MESD: variants seen among roughly 807,000 people sequenced by gnomAD.
The protein encoded by MESD is LRP chaperone MESD.
In MESD, 7 loss-of-function variants were observed where a neutral mutation model predicts 12.9. That is an observed-to-expected ratio of 0.54 (90% CI 0.31 to 1.02). The LOEUF is 1.02. MESD is among the 50% of genes least tolerant of loss of function. The probability of loss-of-function intolerance (pLI) is 0.05; values close to 1 mark genes in which losing one functional copy is unlikely to be tolerated. For missense variants in MESD, 342 were observed against 296.7 expected (o/e 1.15, Z -1.12); for synonymous variants, 126 against 115.6 (o/e 1.09, Z -0.58).
downstream of MESD, chr15:80,946,505 G>A (rs1482920968): frequency 1.7e-5 from 3 of 178,400 alleles, no homozygotes; most frequent in Non-Finnish European, 3.6e-5. Context: ...GCTCCCCTCC[G>A]CCTTCCCGCA....
chr15:80,983,882 A>T (rs1174538999), intron 1 of MESD, among the ~76,000 whole-genome samples: 1 of 150,608 alleles, frequency 6.6e-6, no homozygotes, highest in Non-Finnish European at 1.5e-5. Flanking sequence ...AATTACTAAT[A>T]GAAAACAGTA....
chr15:80,988,885 C>T (rs1279883984), intron 1 of MESD, among the ~76,000 whole-genome samples: 1 of 130,022 alleles, frequency 7.7e-6, no homozygotes, highest in Admixed American at 7.2e-5. Context: ...GTAATCTTTA[C>T]CTTAAAGCGT....
At position 80,952,029 on chromosome 15, in the gene MESD, T is replaced by C. The variant is rs572677568; in HGVS notation, c.*556A>G. 6.4e-4 allele frequency: 230 copies of C among 358,532 alleles called. 4 individuals are homozygous for C. The highest frequency in any genetic ancestry group is 4.7e-3 in the South Asian group (228 of 48,268). The allele number at this position is 358,532 out of a possible 1,614,324, so 22.2% of individuals were successfully genotyped here. A position where few individuals can be genotyped will look rare whatever the true frequency, so the allele number is the denominator to read the frequency against. On this transcript the variant is annotated 3_prime_UTR_variant, in exon 4 of 5. Coordinates refer to the MESD transcript ENST00000561312. ...GGTTCAAAGAAAGAGAAGATATCAT[T>C]CATATGGCTGGCCATGTCCAGAACT...
rs1327002258 is a variant in MESD at position 80,989,579 on chromosome 15, C to T, written c.213G>A (p.Glu71=). Residue 71 remains glutamate (E), a splice_region_variant and synonymous_variant, in exon 1 of 3, where the codon GAG becomes GAA. Coordinates refer to ENST00000261758, the MANE Select transcript of MESD (RefSeq NM_015154.3). The part of the protein sequence containing the change: ...ADMARLLEQW[E]KDDDIEEGDL... ...GGGAGGGTGTGCGCGCGCCGCGGAC[C>T]TCCCATTGCTCCAGAAGACGCGCCA... 2 of 1,612,618 alleles carry T rather than the reference C, an allele frequency of 1.2e-6. No individual in the cohort carries two copies. The highest frequency in any genetic ancestry group is 1.7e-6 in the Non-Finnish European group (2 of 1,179,138).
In MESD at chr15:80,989,719, G is replaced by T; in HGVS notation, c.73C>A (p.Leu25Met). The part of the protein sequence containing the change: ...CASDLLLLLL[L>M]LPPPGSCAAE... ...GCGCAGGACCCAGGCGGTGGTAGCA[G>T]TAGCAGCAGCAGCAGCAGGTCAGAG... The change falls in exon 1 of 3, where the codon CTG becomes ATG. Residue 25 changes from leucine (L) to methionine (M), a missense_variant. Physicochemically the swap from Leu to Met is conservative, Grantham distance 15 (BLOSUM62 2). Coordinates refer to ENST00000261758, the MANE Select transcript of MESD (RefSeq NM_015154.3). The T allele has an allele frequency of 6.2e-7, 1 of 1,609,034 alleles. No homozygotes were observed.
At chr15:80,954,617 G>C (rs957427886) in intron 3 of MESD, among the ~76,000 whole-genome samples, 2 of 152,106 alleles carry the variant, frequency 1.3e-5, no homozygotes, top group African/African-American at 4.8e-5. Flanking sequence ...GAGGGTTGGG[G>C]GAGGGGATGG....
rs1390973569 is a variant in MESD, at chr15:80,952,048, C to T, written c.*537G>A. Reference sequence around the variant, plus strand: ...TATCATTCATATGGCTGGCCATGTCCAGAACTTGCTGCGTCCTCCACATTT... The same window carrying T: ...TATCATTCATATGGCTGGCCATGTCTAGAACTTGCTGCGTCCTCCACATTT... On this transcript the variant is annotated 3_prime_UTR_variant, in exon 4 of 5. Transcript: ENST00000561312. The T allele has an allele frequency of 1.7e-4, 65 of 380,266 alleles. No homozygotes were observed. In the Admixed American group the frequency reaches 1.9e-3, roughly 11 times the overall value. The allele number at this position is 380,266 out of a possible 1,614,324, so 23.6% of individuals were successfully genotyped here. A position where few individuals can be genotyped will look rare whatever the true frequency, so the allele number is the denominator to read the frequency against.
intron 3 of MESD, among the ~76,000 whole-genome samples, chr15:80,962,116 C>T (rs72629904): frequency 6.6e-6 from 1 of 152,138 alleles, no homozygotes; most frequent in African/African-American, 2.4e-5. Context: ...CAGAGATGCA[C>T]ATAAGCTCAA....
chr15:80,953,712 G>A (rs1399703283), intron 3 of MESD, among the ~76,000 whole-genome samples: 1 of 152,328 alleles, frequency 6.6e-6, no homozygotes, highest in South Asian at 2.1e-4. Flanking sequence ...ATGTGTAGGA[G>A]TTGCTGGAGG....
intron 3 of MESD, among the ~76,000 whole-genome samples, chr15:80,965,330 C>A (rs1902155849): frequency 6.6e-6 from 1 of 152,122 alleles, no homozygotes; most frequent in Non-Finnish European, 1.5e-5. Flanking sequence ...TGTGGAGAAA[C>A]AGGAACACTT....
chr15:80,981,812 G>A (rs1237991834), intron 2 of MESD, 138 bp downstream of exon 2: 17 of 655,078 alleles, frequency 2.6e-5, no homozygotes, highest in South Asian at 6.2e-5. Flanking sequence ...CCGAGATCAC[G>A]CCGCTGCACT....
At chr15:80,983,625 G>A (rs937926958) in intron 1 of MESD, among the ~76,000 whole-genome samples, 1 of 152,138 alleles carries the variant, frequency 6.6e-6, no homozygotes, top group South Asian at 2.1e-4. Flanking sequence ...TTAAAAGAGC[G>A]TGGGTTCCTT....
At chr15:80,986,939 A>G (rs1902749147) in intron 1 of MESD, among the ~76,000 whole-genome samples, 1 of 152,124 alleles carries the variant, frequency 6.6e-6, no homozygotes, top group Non-Finnish European at 1.5e-5. Context: ...GAACAATCCT[A>G]CCCGGTTCCA....
chr15:80,947,124 C>A, downstream of MESD: 1 of 1,083,560 alleles, frequency 9.2e-7, no homozygotes, highest in Non-Finnish European at 1.4e-6. Context: ...AAATGCCTGG[C>A]ATGGAGGGTG....
At chr15:80,965,279 T>C (rs1042176089) in intron 3 of MESD, among the ~76,000 whole-genome samples, 7 of 152,116 alleles carry the variant, frequency 4.6e-5, no homozygotes, top group African/African-American at 1.7e-4. Flanking sequence ...CCAGTTAGAA[T>C]GGCGATTAAA....
chr15:80,970,331 A>G (rs1405963197), intron 3 of MESD: 1 of 152,166 alleles, frequency 6.6e-6, no homozygotes, highest in Non-Finnish European at 1.5e-5. Context: ...CACTTTCCCA[A>G]GCTGTGCTTT....
At chr15:80,955,591 A>C (rs1306883438) in intron 3 of MESD, among the ~76,000 whole-genome samples, 1 of 150,442 alleles carries the variant, frequency 6.6e-6, no homozygotes, top group African/African-American at 2.5e-5. Context: ...TTTGCACAGT[A>C]AAGTTTGAGA....
At chr15:80,948,648 C>A in exon 5 of MESD, 1 of 1,048,118 alleles carries the variant, frequency 9.5e-7, no homozygotes, top group Non-Finnish European at 1.5e-6. Context: ...AGTAGCTGAG[C>A]ACAGAGCTCT....
At chr15:80,956,940 C>T (rs1263768916) in intron 3 of MESD, among the ~76,000 whole-genome samples, 2 of 152,142 alleles carry the variant, frequency 1.3e-5, no homozygotes, top group African/African-American at 2.4e-5. Context: ...ACCTCACCCC[C>T]TGAGTAGCTG....
Sources: gnomAD v4.1 joint callset for allele counts (sites outside exome capture counted in the v4.1 genomes callset) on GRCh38, gnomAD v4.1.1 for gene constraint, MANE v1.5 for transcripts, NCBI Gene and HGNC (gene_info 2026-07-23, HGNC 2026-07-21) for gene names.